The following RSU1 variants were observed in gnomAD, a reference collection of about 807,000 sequenced individuals.
The protein encoded by RSU1 is rsu-1.
RSU1 carries 26 observed loss-of-function variants against 31.1 expected under a neutral mutation model. That is an observed-to-expected ratio of 0.84 (90% confidence interval 0.61 to 1.16). The LOEUF is 1.16. Ranked by LOEUF, RSU1 falls within the 50% of genes most tolerant of loss-of-function variation. RSU1 has a pLI of 0.00. For synonymous variants in RSU1, 164 were observed against 136.3 expected, an observed-to-expected ratio of 1.20 and a Z score of -1.41; for missense variants, 320 against 339.1, an observed-to-expected ratio of 0.94 and a Z score of 0.44.
chr10:16,783,985 G>A (rs1281130482), intron 2 of RSU1, among the ~76,000 whole-genome samples: 3 of 152,148 alleles, frequency 2.0e-5, no homozygotes, highest in South Asian at 2.1e-4. Context: ...GGTCTTTGTC[G>A]TCTCCTCTAA....
At chr10:16,614,800 C>T (rs1033686075) in intron 8 of RSU1, among the ~76,000 whole-genome samples, 3 of 152,042 alleles carry the variant, frequency 2.0e-5, no homozygotes, top group Non-Finnish European at 2.9e-5. Flanking sequence ...GCAGAGCCAC[C>T]GAGGCAAGAA....
intron 7 of RSU1, among the ~76,000 whole-genome samples, chr10:16,716,842 G>A (rs574828983): frequency 6.6e-6 from 1 of 150,960 alleles, no homozygotes; most frequent in Non-Finnish European, 1.5e-5. Context: ...TAGGAGACAA[G>A]AGGTCAAACA....
chr10:16,777,634 C>T (rs937279660), intron 3 of RSU1, among the ~76,000 whole-genome samples: 6 of 152,098 alleles, frequency 3.9e-5, no homozygotes, highest in African/African-American at 7.2e-5. Context: ...CTCTAGTGGA[C>T]AAGTCTTAAA....
At chr10:16,612,854 T>C (rs1378680450) in intron 8 of RSU1, among the ~76,000 whole-genome samples, 1 of 152,142 alleles carries the variant, frequency 6.6e-6, no homozygotes, top group Non-Finnish European at 1.5e-5. Context: ...ACTGGTTATA[T>C]ATTCTCCTCT....
chr10:16,788,394 A>C (rs1837840873), intron 2 of RSU1, among the ~76,000 whole-genome samples: 1 of 152,088 alleles, frequency 6.6e-6, no homozygotes, highest in African/African-American at 2.4e-5. Context: ...TTGGGAGGTG[A>C]TTAGGTCATG....
At chr10:16,744,692 A>G (rs1836815919) in intron 7 of RSU1, among the ~76,000 whole-genome samples, 1 of 152,224 alleles carries the variant, frequency 6.6e-6, no homozygotes, top group African/African-American at 2.4e-5. Flanking sequence ...CTTTTTACAC[A>G]GAACAACCAG....
intron 2 of RSU1, among the ~76,000 whole-genome samples, chr10:16,793,455 T>C (rs373919555): frequency 4.6e-5 from 7 of 152,194 alleles, no homozygotes; most frequent in East Asian, 1.9e-4. Flanking sequence ...AATTGGAGTC[T>C]ATGAGTCCAT....
intron 3 of RSU1, among the ~76,000 whole-genome samples, chr10:16,775,647 T>C (rs1480534902): frequency 2.0e-5 from 3 of 152,142 alleles, no homozygotes; most frequent in East Asian, 1.9e-4. Context: ...GACCCTCCCA[T>C]AGCATGATCT....
intron 8 of RSU1, among the ~76,000 whole-genome samples, chr10:16,668,238 G>C (rs1344966393): frequency 1.3e-5 from 2 of 152,160 alleles, no homozygotes; most frequent in Non-Finnish European, 2.9e-5. Context: ...GTTGTTTTCT[G>C]TTATTATCAT....
At chr10:16,701,336 A>C (rs1000667590) in intron 7 of RSU1, among the ~76,000 whole-genome samples, 4 of 152,188 alleles carry the variant, frequency 2.6e-5, no homozygotes, top group African/African-American at 7.2e-5. Flanking sequence ...ACGGTCTAAA[A>C]ACCTAAGTGG....
At chr10:16,732,828 C>T (rs1034449105) in intron 7 of RSU1, among the ~76,000 whole-genome samples, 8 of 152,202 alleles carry the variant, frequency 5.3e-5, no homozygotes, top group Middle Eastern at 3.4e-3. Flanking sequence ...GAAAGGCTTA[C>T]GAAGATATTA....
At chr10:16,601,575 T>C (rs1450668761) in intron 8 of RSU1, among the ~76,000 whole-genome samples, 1 of 152,212 alleles carries the variant, frequency 6.6e-6, no homozygotes, top group African/African-American at 2.4e-5. Flanking sequence ...GTTTTCCCGA[T>C]GCAGGTGACT....
At chr10:16,651,905 T>C (rs2131515119) in intron 8 of RSU1, among the ~76,000 whole-genome samples, 1 of 152,286 alleles carries the variant, frequency 6.6e-6, no homozygotes. Context: ...AGTAAGTAAA[T>C]GAAATATTTA....
At position 16,785,525 on chromosome 10, in the gene RSU1, T is replaced by A. The variant is rs544139820; in HGVS notation, c.110-3441A>T. 2.6e-3 allele frequency among the ~76,000 whole-genome samples: 357 copies of A among 139,126 alleles called. 8 individuals are homozygous for A. The highest frequency in any genetic ancestry group is 9.2e-3 in the African/African-American group (317 of 34,622). 91.3% of individuals were successfully genotyped at this position (139,126 alleles called of 152,430 possible). A position where few individuals can be genotyped will look rare whatever the true frequency, so the allele number is the denominator to read the frequency against. ...ACACATATATACATATATATATATATAATATTAGTTCTTTCCCTCTAGAGA... is the reference window on the plus strand; with the variant it reads ...ACACATATATACATATATATATATAAAATATTAGTTCTTTCCCTCTAGAGA... On this transcript the variant is annotated intron_variant, in intron 2 of 8. Coordinates refer to ENST00000345264, the MANE Select transcript of RSU1 (RefSeq NM_012425.4).
chr10:16,807,199 C>G (rs1424235410), intron 2 of RSU1, among the ~76,000 whole-genome samples: 1 of 152,176 alleles, frequency 6.6e-6, no homozygotes, highest in South Asian at 2.1e-4. Context: ...AACTAAGAGG[C>G]GAAACCTCCT....
rs199804356 is a variant in RSU1 at position 16,735,000 on chromosome 10, G to GA, written c.598+17538dup. 6.9e-3 allele frequency among the ~76,000 whole-genome samples: 1,045 copies of GA among 152,266 alleles called. 11 individuals carry two copies. The highest frequency in any genetic ancestry group is 0.022 in the South Asian group (107 of 4,822). On this transcript the variant is annotated intron_variant, in intron 7 of 8. Transcript: ENST00000345264. The stretch of plus-strand genomic sequence containing the variant: ...CCCACAAGCCAAGGAGTGAGGTCTA[G>GA]AAAAAATCATTCCCTTAAACCCTCA...
At chr10:16,793,699 C>T (rs909526305) in intron 2 of RSU1, among the ~76,000 whole-genome samples, 2 of 152,128 alleles carry the variant, frequency 1.3e-5, no homozygotes, top group African/African-American at 4.8e-5. Flanking sequence ...CTCTGCAAGC[C>T]ACTGTACTTC....
At chr10:16,710,203 G>A (rs957007434) in intron 7 of RSU1, among the ~76,000 whole-genome samples, 8 of 152,114 alleles carry the variant, frequency 5.3e-5, no homozygotes, top group Non-Finnish European at 1.0e-4. Flanking sequence ...CTAATTTGTT[G>A]AGTTTTTATG....
chr10:16,768,209 T>G (rs1837353133), intron 3 of RSU1, among the ~76,000 whole-genome samples: 1 of 152,286 alleles, frequency 6.6e-6, no homozygotes. Flanking sequence ...GTGCCCTCAC[T>G]CAACTCATAA....
Sources: allele counts gnomAD v4.1 joint callset (sites outside exome capture counted in the v4.1 genomes callset), GRCh38; gene constraint gnomAD v4.1.1; transcripts MANE v1.5; gene names NCBI Gene and HGNC (gene_info 2026-07-23, HGNC 2026-07-21).